GLIS3: variants seen among roughly 807,000 people sequenced by gnomAD.
GLIS3 encodes the protein zinc finger protein GLIS3.
GLIS3 carries 53 observed loss-of-function variants against 78.6 expected under a neutral mutation model. That is an observed-to-expected ratio of 0.67 (90% CI 0.54 to 0.85). The LOEUF (loss-of-function observed/expected upper bound fraction) is 0.85, where lower values mean the gene tolerates loss of function less well. Ranked by LOEUF, GLIS3 falls within the 40% of genes least tolerant of loss-of-function variation. The probability of loss-of-function intolerance (pLI) is 0.00; values close to 1 mark genes in which losing one functional copy is unlikely to be tolerated. For synonymous variants in GLIS3, 684 were observed against 509.9 expected (o/e 1.34, Z -4.60); for missense variants, 1,703 against 1,231.1 (o/e 1.38, Z -5.74).
intron 4 of GLIS3, among the ~76,000 whole-genome samples, chr9:3,992,578 A>G (rs1820404407): frequency 6.6e-6 from 1 of 152,218 alleles, no homozygotes; most frequent in Non-Finnish European, 1.5e-5. Context: ...AATATGAACA[A>G]CTGTATTTAT....
At chr9:4,222,713 T>C (rs1235300599) in intron 2 of GLIS3, among the ~76,000 whole-genome samples, 3 of 152,192 alleles carry the variant, frequency 2.0e-5, no homozygotes, top group East Asian at 1.9e-4. Context: ...AGACTAGATA[T>C]GGGCAGCACC....
chr9:4,323,515 C>G (rs766209863), intron 2 of GLIS3, among the ~76,000 whole-genome samples: 1 of 152,148 alleles, frequency 6.6e-6, no homozygotes, highest in Non-Finnish European at 1.5e-5. Context: ...TGAATGCCTT[C>G]CTGCCTGCAA....
rs1448676679 is a variant in GLIS3 at position 4,297,282 on chromosome 9, G to C, written c.-99+2139C>G. Among the ~76,000 whole-genome samples the C allele has an allele frequency of 4.6e-5, 7 of 152,186 alleles. No individual in the cohort carries two copies. In the East Asian group the frequency reaches 7.7e-4, roughly 17 times the overall value. ...GCATTTGTCTTGAGGTCATCTTCGAGCCAAGAAATGCTCTCTTAACCGGGA... is the reference window on the plus strand; with the variant it reads ...GCATTTGTCTTGAGGTCATCTTCGACCCAAGAAATGCTCTCTTAACCGGGA... On this transcript the variant is annotated intron_variant, in intron 1 of 10. Transcript: ENST00000381971.
At chr9:4,095,298 A>G (rs966539509) in intron 4 of GLIS3, among the ~76,000 whole-genome samples, 4 of 152,178 alleles carry the variant, frequency 2.6e-5, no homozygotes, top group African/African-American at 9.7e-5. Flanking sequence ...ATGCTGTACC[A>G]AAAAGCTATC....
chr9:4,313,305 G>C (rs1817392370), intron 2 of GLIS3, among the ~76,000 whole-genome samples: 1 of 152,160 alleles, frequency 6.6e-6, no homozygotes. Context: ...AGTTTGAGCA[G>C]CTGTCTTCTT....
intron 7 of GLIS3, among the ~76,000 whole-genome samples, chr9:3,893,069 G>C (rs1471379135): frequency 6.6e-6 from 1 of 152,066 alleles, no homozygotes. Flanking sequence ...AAGTCTACTT[G>C]TTTTTCCTGA....
intron 2 of GLIS3, among the ~76,000 whole-genome samples, chr9:4,170,857 G>T (rs1216176508): frequency 6.6e-6 from 1 of 152,142 alleles, no homozygotes; most frequent in Non-Finnish European, 1.5e-5. Context: ...AAATCCTCAT[G>T]AATTCTCATA....
intron 9 of GLIS3, among the ~76,000 whole-genome samples, chr9:3,855,261 G>A (rs1049876255): frequency 6.6e-6 from 1 of 152,164 alleles, no homozygotes; most frequent in African/African-American, 2.4e-5. Flanking sequence ...TTAAACACAA[G>A]ATCTGCACAT....
At chr9:3,857,256 G>C (rs1819857025) in intron 8 of GLIS3, among the ~76,000 whole-genome samples, 1 of 152,208 alleles carries the variant, frequency 6.6e-6, no homozygotes. Flanking sequence ...ACACTGTGTA[G>C]AAAGACAGGC....
intron 4 of GLIS3, among the ~76,000 whole-genome samples, chr9:4,050,119 A>T (rs1420718679): frequency 6.6e-6 from 1 of 152,088 alleles, no homozygotes; most frequent in African/African-American, 2.4e-5. Context: ...AAGGTTTATA[A>T]ATCATGCCGC....
At chr9:4,245,123 A>G (rs1232254851) in intron 2 of GLIS3, among the ~76,000 whole-genome samples, 1 of 152,184 alleles carries the variant, frequency 6.6e-6, no homozygotes, top group Admixed American at 6.5e-5. Context: ...TGTATGTATC[A>G]CAGATTTATG....
the GLIS3 span, among the ~76,000 whole-genome samples, chr9:4,367,182 C>T: frequency 1.3e-5 from 2 of 152,236 alleles, no homozygotes; most frequent in Non-Finnish European, 2.9e-5. Flanking sequence ...ATTATCATGG[C>T]TTGTAAGCCG....
upstream of GLIS3, among the ~76,000 whole-genome samples, chr9:4,353,143 C>G (rs921879830): frequency 1.3e-5 from 2 of 152,098 alleles, no homozygotes; most frequent in Admixed American, 6.5e-5. Context: ...TTCTGTTGCT[C>G]TGAGACTCTG....
At chr9:4,341,035 T>A (rs941555354) in intron 2 of GLIS3, among the ~76,000 whole-genome samples, 1 of 152,234 alleles carries the variant, frequency 6.6e-6, no homozygotes, top group Admixed American at 6.5e-5. Context: ...CATCCTTGAA[T>A]AGCCTCTGGA....
At chr9:3,975,994 A>T (rs1409848571) in intron 4 of GLIS3, among the ~76,000 whole-genome samples, 2 of 152,182 alleles carry the variant, frequency 1.3e-5, no homozygotes, top group African/African-American at 2.4e-5. Context: ...GCAGCCAATC[A>T]GGTCCTGGCG....
At chr9:3,857,018 T>C (rs1012117786) in intron 8 of GLIS3, among the ~76,000 whole-genome samples, 11 of 152,252 alleles carry the variant, frequency 7.2e-5, no homozygotes, top group Non-Finnish European at 1.6e-4. Flanking sequence ...CAGTTTATGC[T>C]TTCTAACATT....
At chr9:4,055,296 G>A (rs1826056483) in intron 4 of GLIS3, among the ~76,000 whole-genome samples, 1 of 152,168 alleles carries the variant, frequency 6.6e-6, no homozygotes, top group South Asian at 2.1e-4. Flanking sequence ...AGCAGAATCT[G>A]GCCTCAGATT....
chr9:4,130,443 C>T (rs1832890873), intron 2 of GLIS3, among the ~76,000 whole-genome samples: 1 of 152,204 alleles, frequency 6.6e-6, no homozygotes, highest in African/African-American at 2.4e-5. Flanking sequence ...TTTTATGGGC[C>T]AGGCCCAGGG....
intron 2 of GLIS3, among the ~76,000 whole-genome samples, chr9:4,334,751 C>T (rs1817731930): frequency 6.6e-6 from 1 of 152,174 alleles, no homozygotes; most frequent in Non-Finnish European, 1.5e-5. Flanking sequence ...CACAAAGGTG[C>T]TACAGAAGGC....
Sources: gnomAD v4.1 joint callset for allele counts (sites outside exome capture counted in the v4.1 genomes callset) on GRCh38, gnomAD v4.1.1 for gene constraint, MANE v1.5 for transcripts, NCBI Gene and HGNC (gene_info 2026-07-23, HGNC 2026-07-21) for gene names.